SETX: variants seen among roughly 807,000 people sequenced by gnomAD.
SETX encodes the protein senataxin, also known as helicase senataxin.
SETX carries 90 observed loss-of-function variants against 227.2 expected under a neutral mutation model. That is an observed-to-expected ratio of 0.40 (90% confidence interval 0.33 to 0.47). SETX has a LOEUF of 0.47. Ranked by LOEUF, SETX falls within the 20% of genes least tolerant of loss-of-function variation. The pLI is 0.91. For missense variants in SETX, 3,052 were observed against 3,181.5 expected (o/e 0.96, Z 0.98); for synonymous variants, 1,210 against 1,113.2 (o/e 1.09, Z -1.73).
chr9:132,331,033 T>G lies in SETX; in HGVS notation c.1098+19A>C. On this transcript the variant is annotated intron_variant, in intron 9 of 25. Coordinates refer to ENST00000224140, the MANE Select transcript of SETX (RefSeq NM_015046.7). ...TAAAGGCAATAAAATAGCATCTGAATTTTCAAAGTGTTTTATACCTTTTTG... is the reference window on the plus strand; with the variant it reads ...TAAAGGCAATAAAATAGCATCTGAAGTTTCAAAGTGTTTTATACCTTTTTG... The G allele has an allele frequency of 4.5e-6, 7 of 1,560,214 alleles. No individual in the cohort carries two copies. The highest frequency in any genetic ancestry group is 6.2e-6 in the Non-Finnish European group (7 of 1,130,442).
intron 7 of SETX, among the ~76,000 whole-genome samples, chr9:132,334,289 T>C (rs1052544638): frequency 1.4e-4 from 21 of 151,998 alleles, no homozygotes; most frequent in Admixed American, 1.4e-3. Context: ...CTACTAAAAA[T>C]ACAAAAAAAT....
At chr9:132,355,078 C>T (rs1203443649), upstream of SETX, 4 of 118,628 alleles carry the variant, frequency 3.4e-5, no homozygotes, top group African/African-American at 1.2e-4. Flanking sequence ...CCCGCCCCGG[C>T]CGCTGCTTTC....
Position 132,277,143 on chromosome 9 carries a change from TTCTG to T in SETX, c.6848_6851del (p.Thr2283LysfsTer32). On this transcript the variant is annotated frameshift_variant, in exon 22 of 26. Transcript: ENST00000224140. LOFTEE classifies it high-confidence loss of function. ...GCCAATCTGATGAACATCGAATGGCTTCTGTCTGTCTGTAAAAAAAAAAAAGCAG... is the reference window on the plus strand; with the variant it reads ...GCCAATCTGATGAACATCGAATGGCTTCTGTCTGTAAAAAAAAAAAAGCAG... The T allele has an allele frequency of 2.4e-5, 38 of 1,610,726 alleles. No homozygotes were observed. Among genetic ancestry groups the T allele is most frequent in the Middle Eastern group, 1.6e-4 (1 of 6,076 alleles).
Position 132,300,799 on chromosome 9 carries a change from A to G in SETX, c.5379T>C (p.Tyr1793=), listed in dbSNP as rs1467052861. 2.5e-6 allele frequency: 4 copies of G among 1,612,562 alleles called. No individual in the cohort carries two copies. Among genetic ancestry groups the G allele is most frequent in the Non-Finnish European group, 3.4e-6 (4 of 1,179,578 alleles). Residue 1793 remains tyrosine (Y), a synonymous_variant, in exon 12 of 26, where the codon TAT becomes TAC. Coordinates refer to ENST00000224140, the MANE Select transcript of SETX (RefSeq NM_015046.7). Reference sequence around the variant, plus strand: ...GTTTAGCCAGTTCACATTCTTCCAGATAAACTATGAAACAAGAAGAAGTCG... The same window carrying G: ...GTTTAGCCAGTTCACATTCTTCCAGGTAAACTATGAAACAAGAAGAAGTCG... ...DYIKYWEFAV[Y]LEECELAKQL...
chr9:132,286,508 CA>C lies in SETX; in HGVS notation c.6325-15del. ...TAATTCTTGCCTCTGGAAAAAAATT[CA>C]AATGTCACAATTAAAACTAAACTAA... On this transcript the variant is annotated splice_polypyrimidine_tract_variant and intron_variant, in intron 17 of 25. Coordinates refer to ENST00000224140, the MANE Select transcript of SETX (RefSeq NM_015046.7). 1 of 1,590,996 alleles carries C rather than the reference CA, an allele frequency of 6.3e-7. No homozygotes were observed. Among genetic ancestry groups the C allele is most frequent in the East Asian group, 2.2e-5 (1 of 44,772 alleles).
At chr9:132,346,654 C>CA (rs1365776099) in intron 3 of SETX, among the ~76,000 whole-genome samples, 183 bp from the exon 4 acceptor site, 3 of 151,894 alleles carry the variant, frequency 2.0e-5, no homozygotes, top group African/African-American at 7.3e-5. Context: ...AGTGAGTACA[C>CA]AGAGTATGAG....
chr9:132,309,607 G>GAC (rs780184469), intron 11 of SETX, among the ~76,000 whole-genome samples: 7 of 151,994 alleles, frequency 4.6e-5, no homozygotes, highest in Non-Finnish European at 1.0e-4. Flanking sequence ...GAAGGCTGAT[G>GAC]ACACAGGAGG....
intron 4 of SETX, among the ~76,000 whole-genome samples, chr9:132,345,356 C>T (rs777534144): frequency 3.9e-5 from 6 of 152,218 alleles, no homozygotes; most frequent in East Asian, 1.9e-4. Flanking sequence ...TCACTGCAAC[C>T]TCCGCCTTCC....
At chr9:132,322,146 T>C (rs1469971607) in intron 10 of SETX, among the ~76,000 whole-genome samples, 1 of 152,220 alleles carries the variant, frequency 6.6e-6, no homozygotes, top group Non-Finnish European at 1.5e-5. Context: ...GAAGATTTCA[T>C]GTTTTCCTAG....
At position 132,262,744 on chromosome 9, in the gene SETX, G is replaced by C. The variant is rs1221686057; in HGVS notation, c.*1495C>G. On this transcript the variant is annotated 3_prime_UTR_variant, in exon 26 of 26. Coordinates refer to ENST00000224140, the MANE Select transcript of SETX (RefSeq NM_015046.7). ...TTAAAGCTCTTTATAATCTGCTCAAGTAGAATTTCTAACACAAAACCCTTT... is the reference window on the plus strand; with the variant it reads ...TTAAAGCTCTTTATAATCTGCTCAACTAGAATTTCTAACACAAAACCCTTT... The C allele has an allele frequency of 6.6e-6, 1 of 152,608 alleles. No homozygotes were observed. The highest frequency in any genetic ancestry group is 1.5e-5 in the Non-Finnish European group (1 of 68,042). The allele number at this position is 152,608 out of a possible 1,614,324, so 9.5% of individuals were successfully genotyped here.
chr9:132,270,975 C>A (rs764966377), intron 24 of SETX, among the ~76,000 whole-genome samples: 3 of 152,172 alleles, frequency 2.0e-5, no homozygotes, highest in African/African-American at 7.2e-5. Flanking sequence ...TATTTGAAAA[C>A]GAACTAATTT....
Position 132,328,389 on chromosome 9 carries a change from A to G in SETX, c.3209T>C (p.Leu1070Pro), listed in dbSNP as rs751267707. Residue 1070 changes from leucine (L) to proline (P), a missense_variant, in exon 10 of 26, where the codon CTT becomes CCT. This residue lies in a region of SETX where 1,483 missense variants were observed against 1,312.0 expected (regional missense o/e 1.13). Transcript: ENST00000224140. ...AGAATCAGATTCCTCAAACTGAAAA[A>G]GAGTCTCTGTCTTTTCTTCCTTTAC... is the stretch of plus-strand genomic sequence containing the variant. ...NPVKEEKTET[L>P]FQFEESDSQC... The G allele has an allele frequency of 2.5e-6, 4 of 1,614,032 alleles. No homozygotes were observed. The South Asian group carries it at 3.3e-5, about 13-fold the overall frequency.
intron 10 of SETX, among the ~76,000 whole-genome samples, chr9:132,319,056 T>C (rs1167181121): frequency 1.3e-5 from 2 of 152,178 alleles, no homozygotes; most frequent in African/African-American, 4.8e-5. Context: ...CCGTGATCAT[T>C]TGACATCAAG....
chr9:132,342,370 A>G (rs1427153031), intron 5 of SETX, among the ~76,000 whole-genome samples: 2 of 152,108 alleles, frequency 1.3e-5, no homozygotes, highest in East Asian at 3.8e-4. Context: ...CGGTATCTCC[A>G]TGTGTCTGCA....
At chr9:132,308,990 T>C (rs1318416312) in intron 11 of SETX, among the ~76,000 whole-genome samples, 2 of 151,956 alleles carry the variant, frequency 1.3e-5, no homozygotes, top group African/African-American at 4.8e-5. Flanking sequence ...ATACAAAAAT[T>C]TGCCAGGCAT....
At chr9:132,282,502 T>C (rs575506060) in intron 19 of SETX, among the ~76,000 whole-genome samples, 2 of 151,996 alleles carry the variant, frequency 1.3e-5, no homozygotes, top group African/African-American at 4.8e-5. Context: ...GTTGCCCAGG[T>C]TGGTCTCAAA....
chr9:132,349,936 G>T (rs1006136403), intron 2 of SETX, among the ~76,000 whole-genome samples: 1 of 152,142 alleles, frequency 6.6e-6, no homozygotes, highest in Non-Finnish European at 1.5e-5. Context: ...ATAAAGCTCA[G>T]ATAAACATAC....
upstream of SETX, among the ~76,000 whole-genome samples, chr9:132,356,441 T>G (rs1848916999): frequency 6.6e-6 from 1 of 152,062 alleles, no homozygotes; most frequent in Non-Finnish European, 1.5e-5. Context: ...CCTCAAGTGA[T>G]CCGCCCCGCC....
At chr9:132,318,695 G>A (rs913376110) in intron 10 of SETX, among the ~76,000 whole-genome samples, 1 of 152,108 alleles carries the variant, frequency 6.6e-6, no homozygotes, top group Non-Finnish European at 1.5e-5. Flanking sequence ...TATATCCACT[G>A]TTAGTTATTC....
Sources: gnomAD v4.1 joint callset for allele counts (sites outside exome capture counted in the v4.1 genomes callset) on GRCh38, gnomAD v4.1.1 for gene constraint, gnomAD v4.1.1 regional missense constraint, MANE v1.5 for transcripts, NCBI Gene and HGNC (gene_info 2026-07-23, HGNC 2026-07-21) for gene names.